Variants in PPP3CB observed in about 807,000 individuals in gnomAD.
The protein encoded by PPP3CB is serine/threonine-protein phosphatase 2B catalytic subunit beta isoform.
A neutral mutation model predicts 66.4 loss-of-function variants in PPP3CB; 8 were observed. That is an observed-to-expected ratio of 0.12 (90% confidence interval 0.07 to 0.22). The LOEUF (loss-of-function observed/expected upper bound fraction) is 0.22. Among genes scored for constraint, PPP3CB ranks in the 10% least tolerant of loss-of-function variants. PPP3CB has a pLI of 1.00. For missense variants in PPP3CB, 319 were observed against 642.5 expected (o/e 0.50, Z 5.44); for synonymous variants, 208 against 221.2 (o/e 0.94, Z 0.53).
intron 4 of PPP3CB, among the ~76,000 whole-genome samples, chr10:73,472,728 G>A (rs930297730): frequency 1.3e-5 from 2 of 152,074 alleles, no homozygotes; most frequent in Non-Finnish European, 1.5e-5. Context: ...ATAATAGCAT[G>A]CTCATGTCAG....
intron 1 of PPP3CB, among the ~76,000 whole-genome samples, chr10:73,486,241 G>A (rs1238137449): frequency 1.3e-5 from 2 of 150,976 alleles, no homozygotes; most frequent in African/African-American, 4.9e-5. Context: ...ACCACGCCCA[G>A]CCAATTTTTT....
At chr10:73,487,304 T>C (rs2056994815) in intron 1 of PPP3CB, among the ~76,000 whole-genome samples, 2 of 151,904 alleles carry the variant, frequency 1.3e-5, no homozygotes, top group Admixed American at 1.3e-4. Context: ...TCCCAGTACT[T>C]TGGGAGGTCA....
At chr10:73,451,162 C>G (rs1320470663) in intron 10 of PPP3CB, among the ~76,000 whole-genome samples, 2 of 151,560 alleles carry the variant, frequency 1.3e-5, no homozygotes, top group African/African-American at 4.8e-5. Flanking sequence ...ACCATCATGC[C>G]TATTTAACAT....
intron 11 of PPP3CB, 82 bp from the exon 12 acceptor site, chr10:73,444,904 C>T (rs1450832701): frequency 7.5e-7 from 1 of 1,329,634 alleles, no homozygotes; most frequent in Non-Finnish European, 1.0e-6. Flanking sequence ...TAGATATAGG[C>T]CATATATAAA....
intron 9 of PPP3CB, among the ~76,000 whole-genome samples, chr10:73,457,749 A>G (rs190271712): frequency 3.2e-4 from 49 of 151,552 alleles, no homozygotes; most frequent in East Asian, 5.8e-4. Flanking sequence ...AAAAAAAAAA[A>G]AAAGAAAGAA....
intron 1 of PPP3CB, among the ~76,000 whole-genome samples, chr10:73,482,470 A>G (rs7081379): frequency 0.046 from 6,574 of 143,036 alleles, 458 homozygotes; most frequent in African/African-American, 0.15. Context: ...GTGAACCCGG[A>G]AGGCGGAGCT....
intron 10 of PPP3CB, among the ~76,000 whole-genome samples, chr10:73,454,064 A>G (rs2056386630): frequency 6.6e-6 from 1 of 152,178 alleles, no homozygotes; most frequent in Non-Finnish European, 1.5e-5. Context: ...CACTAAGAAT[A>G]TTGTTCTAAT....
chr10:73,459,347 AT>A (rs748256339), intron 9 of PPP3CB, among the ~76,000 whole-genome samples: 4 of 150,522 alleles, frequency 2.7e-5, no homozygotes, highest in African/African-American at 4.9e-5. Context: ...TTAGCTGGGC[AT>A]GGTGGCGGGC....
intron 12 of PPP3CB, among the ~76,000 whole-genome samples, chr10:73,441,757 G>A (rs910085501): frequency 3.9e-5 from 6 of 152,126 alleles, no homozygotes; most frequent in Non-Finnish European, 5.9e-5. Flanking sequence ...GCATTACAGT[G>A]CTAGCTCCCA....
chr10:73,461,103 G>A (rs1328361292), intron 9 of PPP3CB, among the ~76,000 whole-genome samples: 2 of 152,208 alleles, frequency 1.3e-5, no homozygotes, highest in Non-Finnish European at 2.9e-5. Context: ...CCCACTCATC[G>A]AAACAGTGTG....
At chr10:73,459,641 A>G (rs1359540470) in intron 9 of PPP3CB, among the ~76,000 whole-genome samples, 1 of 152,230 alleles carries the variant, frequency 6.6e-6, no homozygotes. Context: ...ATAAAAAGGA[A>G]TGTTGTACTG....
intron 1 of PPP3CB, among the ~76,000 whole-genome samples, chr10:73,494,825 A>C (rs2057153991): frequency 6.6e-6 from 1 of 152,228 alleles, no homozygotes. Flanking sequence ...AATAAGGAAA[A>C]GTTCATTCTA....
chr10:73,444,355 C>A, intron 12 of PPP3CB: 1 of 486,028 alleles, frequency 2.1e-6, no homozygotes, highest in Non-Finnish European at 3.6e-6. Flanking sequence ...AATTACATTT[C>A]CATTTTAGTA....
intron 9 of PPP3CB, among the ~76,000 whole-genome samples, chr10:73,458,310 T>C (rs1356944302): frequency 1.3e-5 from 2 of 152,038 alleles, no homozygotes; most frequent in African/African-American, 2.4e-5. Context: ...CTAATTTTTG[T>C]ATTTTTAGTA....
intron 9 of PPP3CB, chr10:73,467,058 A>AT (rs916159399): frequency 6.6e-6 from 1 of 152,122 alleles, no homozygotes; most frequent in Non-Finnish European, 1.5e-5. Context: ...TTTTATACAT[A>AT]TTTTTTATAT....
chr10:73,492,170 A>G (rs1295480847), intron 1 of PPP3CB, among the ~76,000 whole-genome samples: 2 of 152,196 alleles, frequency 1.3e-5, no homozygotes, highest in Non-Finnish European at 2.9e-5. Flanking sequence ...ATTTTGGTTC[A>G]ATCTGAAAGT....
chr10:73,470,676 C>G lies in PPP3CB; in HGVS notation c.982+11G>C. On this transcript the variant is annotated intron_variant, in intron 8 of 13. Transcript: ENST00000360663. ...GTTGTTTAACAATTTTTTTTATCAA[C>G]AATATCTTACCTTTATTATTGTAGA... is the stretch of plus-strand genomic sequence containing the variant. 1.4e-6 allele frequency: 2 copies of G among 1,458,912 alleles called. No homozygotes were observed. Among genetic ancestry groups the G allele is most frequent in the Non-Finnish European group, 1.9e-6 (2 of 1,075,158 alleles). The allele number at this position is 1,458,912 out of a possible 1,614,324, so 90.4% of individuals were successfully genotyped here.
At position 73,495,884 on chromosome 10, in the gene PPP3CB, G is replaced by C; in HGVS notation, c.6C>G (p.Ala2=). 3.0e-6 allele frequency: 4 copies of C among 1,322,126 alleles called. No homozygotes were observed. The highest frequency in any genetic ancestry group is 3.9e-6 in the Non-Finnish European group (4 of 1,038,362). The allele number at this position is 1,322,126 out of a possible 1,614,324, so 81.9% of individuals were successfully genotyped here. A position where few individuals can be genotyped will look rare whatever the true frequency, so the allele number is the denominator to read the frequency against. M[A]APEPARAAPP... ...GTGCAGCCCGGGCCGGCTCCGGGGCGGCCATGCTGGGCCCGGGGCTCGGCT... is the reference window on the plus strand; with the variant it reads ...GTGCAGCCCGGGCCGGCTCCGGGGCCGCCATGCTGGGCCCGGGGCTCGGCT... Residue 2 remains alanine, a synonymous_variant, in exon 1 of 14, where the codon GCC becomes GCG. Transcript: ENST00000360663.
At chr10:73,441,590 A>T (rs897181414) in intron 12 of PPP3CB, among the ~76,000 whole-genome samples, 3 of 152,220 alleles carry the variant, frequency 2.0e-5, no homozygotes, top group African/African-American at 7.2e-5. Flanking sequence ...GTTTTCAGTT[A>T]TATAGGGCAT....
Sources: allele counts gnomAD v4.1 joint callset (sites outside exome capture counted in the v4.1 genomes callset), GRCh38; gene constraint gnomAD v4.1.1; transcripts MANE v1.5; gene names NCBI Gene and HGNC (gene_info 2026-07-23, HGNC 2026-07-21).